Variants in BCAR3 observed in about 807,000 individuals in gnomAD.
BCAR3 encodes the protein breast cancer anti-estrogen resistance protein 3.
Under a neutral mutation model 80.1 loss-of-function variants are expected in BCAR3, and 37 were observed. The ratio of observed to expected loss-of-function variants is 0.46; its 90% CI spans 0.36 to 0.61. The LOEUF is 0.61. Ranked by LOEUF, BCAR3 falls within the 20% of genes least tolerant of loss-of-function variation. The pLI, the probability that BCAR3 is intolerant of heterozygous loss-of-function variation, is 0.00. For missense variants in BCAR3, 978 were observed against 1,068.2 expected, an observed-to-expected ratio of 0.92 and a Z score of 1.18; for synonymous variants, 389 against 418.9, an observed-to-expected ratio of 0.93 and a Z score of 0.87.
At chr1:93,847,136 T>G in exon 1 of BCAR3, 1 of 223,758 alleles carries the variant, frequency 4.5e-6, no homozygotes, top group South Asian at 5.5e-5. Context: ...AGGCCCGGCG[T>G]CACCGGCCCG....
intron 2 of BCAR3, among the ~76,000 whole-genome samples, chr1:93,715,393 C>A (rs1156457595): frequency 6.6e-6 from 1 of 152,188 alleles, no homozygotes; most frequent in African/African-American, 2.4e-5. Context: ...TGGAGATTTT[C>A]ATCTACCCCT....
intron 2 of BCAR3, among the ~76,000 whole-genome samples, chr1:93,815,849 T>C (rs1653999669): frequency 6.6e-6 from 1 of 152,218 alleles, no homozygotes; most frequent in African/African-American, 2.4e-5. Flanking sequence ...ACCACACTTA[T>C]CTCACTGATT....
chr1:93,648,939 C>T (rs1676233890), intron 2 of BCAR3: 2 of 152,318 alleles, frequency 1.3e-5, no homozygotes, highest in Admixed American at 1.3e-4. Flanking sequence ...CTGCTTGGAC[C>T]TAACTTCCAC....
At chr1:93,821,134 G>A (rs979425310) in intron 2 of BCAR3, among the ~76,000 whole-genome samples, 5 of 152,068 alleles carry the variant, frequency 3.3e-5, no homozygotes, top group East Asian at 1.9e-4. Context: ...AGCCTTACTC[G>A]ACCTTCAAAT....
chr1:93,836,057 G>A (rs1654756390), intron 2 of BCAR3, among the ~76,000 whole-genome samples: 1 of 152,122 alleles, frequency 6.6e-6, no homozygotes, highest in African/African-American at 2.4e-5. Context: ...ATGGACTAAT[G>A]GTCTTTTAAA....
At chr1:93,724,979 T>G (rs1349009455) in intron 2 of BCAR3, among the ~76,000 whole-genome samples, 1 of 152,208 alleles carries the variant, frequency 6.6e-6, no homozygotes, top group African/African-American at 2.4e-5. Context: ...GTGAGGGAAA[T>G]GCTGTGAGCA....
At chr1:93,566,560 C>G (rs974891214) in intron 11 of BCAR3, among the ~76,000 whole-genome samples, 3 of 152,118 alleles carry the variant, frequency 2.0e-5, no homozygotes, top group African/African-American at 4.8e-5. Context: ...CGCAACACTG[C>G]CCCACACTTT....
At chr1:93,828,517 G>A (rs1294352794) in intron 2 of BCAR3, among the ~76,000 whole-genome samples, 2 of 152,184 alleles carry the variant, frequency 1.3e-5, no homozygotes, top group Non-Finnish European at 2.9e-5. Context: ...CTGGGAGGAA[G>A]GAATGCTACA....
chr1:93,768,056 C>T (rs1340474987), intron 2 of BCAR3, among the ~76,000 whole-genome samples: 1 of 152,184 alleles, frequency 6.6e-6, no homozygotes, highest in African/African-American at 2.4e-5. Flanking sequence ...TGTCTTCAGG[C>T]TTTGCCGAGG....
chr1:93,579,949 G>A (rs934996415), intron 7 of BCAR3, among the ~76,000 whole-genome samples: 1 of 152,222 alleles, frequency 6.6e-6, no homozygotes, highest in Non-Finnish European at 1.5e-5. Flanking sequence ...GGATAACTTC[G>A]CAAATTGCGT....
intron 2 of BCAR3, among the ~76,000 whole-genome samples, chr1:93,717,745 A>C (rs1456234919): frequency 6.8e-6 from 1 of 147,768 alleles, no homozygotes; most frequent in African/African-American, 2.5e-5. Context: ...AAAGAATTGG[A>C]GATAAGAGAA....
chr1:93,669,004 C>T (rs913005411), intron 2 of BCAR3, among the ~76,000 whole-genome samples: 29 of 152,270 alleles, frequency 1.9e-4, no homozygotes, highest in Middle Eastern at 3.4e-3. Flanking sequence ...TGAGCCACCG[C>T]ACCCGGCCCA....
At chr1:93,718,305 T>C (rs1650259585) in intron 2 of BCAR3, among the ~76,000 whole-genome samples, 1 of 152,194 alleles carries the variant, frequency 6.6e-6, no homozygotes, top group Admixed American at 6.5e-5. Flanking sequence ...AGACTCTCCC[T>C]AGAAAGACTG....
intron 2 of BCAR3, among the ~76,000 whole-genome samples, chr1:93,714,260 C>T (rs931666190): frequency 1.3e-5 from 2 of 152,214 alleles, no homozygotes; most frequent in African/African-American, 4.8e-5. Context: ...GGATTACGGG[C>T]GTGAGCCACC....
At chr1:93,615,251 C>T (rs1675076680) in intron 3 of BCAR3, among the ~76,000 whole-genome samples, 1 of 152,088 alleles carries the variant, frequency 6.6e-6, no homozygotes, top group African/African-American at 2.4e-5. Context: ...ACGGGATTAG[C>T]GTCAAATCCT....
chr1:93,826,293 C>T (rs1654370830), intron 2 of BCAR3, among the ~76,000 whole-genome samples: 1 of 152,168 alleles, frequency 6.6e-6, no homozygotes, highest in South Asian at 2.1e-4. Flanking sequence ...TTTATTCATG[C>T]TGTCTCTTCT....
intron 2 of BCAR3, among the ~76,000 whole-genome samples, chr1:93,669,753 A>G (rs547333799): frequency 6.6e-6 from 1 of 152,358 alleles, no homozygotes; most frequent in East Asian, 1.9e-4. Flanking sequence ...TTGAATACAA[A>G]TTCATCCTTG....
intron 2 of BCAR3, among the ~76,000 whole-genome samples, chr1:93,844,513 CA>C (rs1490309944): frequency 6.6e-6 from 1 of 152,158 alleles, no homozygotes; most frequent in Non-Finnish European, 1.5e-5. Flanking sequence ...CTGTTTACTA[CA>C]GATACAGCCT....
intron 3 of BCAR3, among the ~76,000 whole-genome samples, chr1:93,693,181 CT>C (rs1649257682): frequency 6.6e-6 from 1 of 152,208 alleles, no homozygotes; most frequent in African/African-American, 2.4e-5. Context: ...AACAACCCTC[CT>C]GCAAGGGAGC....
Sources: allele counts gnomAD v4.1 joint callset (sites outside exome capture counted in the v4.1 genomes callset), GRCh38; gene constraint gnomAD v4.1.1; transcripts MANE v1.5; gene names NCBI Gene and HGNC (gene_info 2026-07-23, HGNC 2026-07-21).